The following AP5M1 variants were observed in gnomAD, a reference collection of about 807,000 sequenced individuals.
AP5M1 encodes the protein AP-5 complex subunit mu-1.
Under a neutral mutation model 52.3 loss-of-function variants are expected in AP5M1, and 44 were observed. That is an observed-to-expected ratio of 0.84 (90% confidence interval 0.66 to 1.08). AP5M1 has a LOEUF of 1.08. Among genes scored for constraint, AP5M1 ranks in the 50% least tolerant of loss-of-function variants. The pLI is 0.00. For missense variants in AP5M1, 526 were observed against 568.4 expected, an observed-to-expected ratio of 0.93 and a Z score of 0.76; for synonymous variants, 213 against 199.0, an observed-to-expected ratio of 1.07 and a Z score of -0.59.
Position 57,269,259 on chromosome 14 carries a change from T to C in AP5M1, c.-56T>C, listed in dbSNP as rs1018345480. The C allele has an allele frequency of 6.5e-7, 1 of 1,544,042 alleles. No homozygotes were observed. Among genetic ancestry groups the C allele is most frequent in the Non-Finnish European group, 8.9e-7 (1 of 1,118,394 alleles). ...TCTGTCTGAGAAAGCCGGTCTGCGC[T>C]GTTCCTCGGTGGCGACCTTAATTAT... On this transcript the variant is annotated 5_prime_UTR_variant, in exon 1 of 8. Coordinates refer to ENST00000261558, the MANE Select transcript of AP5M1 (RefSeq NM_018229.4).
rs1363160936 is a variant in AP5M1, at chr14:57,289,923, A to G, written c.*1039A>G. On this transcript the variant is annotated 3_prime_UTR_variant, in exon 8 of 8. Coordinates refer to ENST00000261558, the MANE Select transcript of AP5M1 (RefSeq NM_018229.4). ...ATACTCTACCTGCTTCTGCAATTAT[A>G]TATCATATTATGTTTTCAGAGCAGT... The G allele has an allele frequency of 2.6e-5, 4 of 151,914 alleles. No homozygotes were observed. The highest frequency in any genetic ancestry group is 4.8e-5 in the African/African-American group (2 of 41,396). The allele number at this position is 151,914 out of a possible 1,614,324, so 9.4% of individuals were successfully genotyped here.
chr14:57,281,701 A>T (rs747805345), intron 3 of AP5M1, among the ~76,000 whole-genome samples: 8 of 152,188 alleles, frequency 5.3e-5, no homozygotes, highest in Non-Finnish European at 1.0e-4. Flanking sequence ...GTCATTGATG[A>T]CCAACCAAGT....
Position 57,274,813 on chromosome 14 carries a change from A to C in AP5M1, c.644A>C (p.Glu215Ala), listed in dbSNP as rs1884983753. 1.2e-6 allele frequency: 2 copies of C among 1,614,092 alleles called. No homozygotes were observed. Among genetic ancestry groups the C allele is most frequent in the Non-Finnish European group, 1.7e-6 (2 of 1,180,040 alleles). The change falls in exon 2 of 8, where the codon GAA becomes GCA. Residue 215 changes from glutamate to alanine, a missense_variant. Around this residue, in one of 3 missense-constraint regions of AP5M1, gnomAD observed 425 missense variants for 430.6 expected, o/e 0.99. Transcript: ENST00000261558. The part of the protein sequence containing the change: ...GKPQVSISIT[E>A]KVKSMQYDKQ... ...CCACAAGTTTCTATTTCTATCACTGAAAAGGTAAAATCCATGCAATATGAT... is the reference window on the plus strand; with the variant it reads ...CCACAAGTTTCTATTTCTATCACTGCAAAGGTAAAATCCATGCAATATGAT...
Position 57,269,258 on chromosome 14 carries a change from C to G in AP5M1, c.-57C>G. On this transcript the variant is annotated 5_prime_UTR_variant, in exon 1 of 8. Transcript: ENST00000261558. ...GTCTGTCTGAGAAAGCCGGTCTGCG[C>G]TGTTCCTCGGTGGCGACCTTAATTA... The G allele has an allele frequency of 6.5e-7, 1 of 1,539,388 alleles. No homozygotes were observed. Among genetic ancestry groups the G allele is most frequent in the Non-Finnish European group, 9.0e-7 (1 of 1,114,296 alleles).
chr14:57,279,203 C>A (rs1193020459), intron 2 of AP5M1, among the ~76,000 whole-genome samples: 1 of 152,142 alleles, frequency 6.6e-6, no homozygotes, highest in African/African-American at 2.4e-5. Context: ...AAATATAAAT[C>A]ATTCTGTTAT....
In AP5M1 at chr14:57,290,684, G is replaced by A. The variant is rs1885417084; in HGVS notation, c.*1800G>A. 6.6e-6 allele frequency: 1 copy of A among 151,878 alleles called. No individual in the cohort carries two copies. The highest frequency in any genetic ancestry group is 2.4e-5 in the African/African-American group (1 of 41,386). 9.4% of individuals were successfully genotyped at this position (151,878 alleles called of 1,614,324 possible). On this transcript the variant is annotated 3_prime_UTR_variant, in exon 8 of 8. Coordinates refer to ENST00000261558, the MANE Select transcript of AP5M1 (RefSeq NM_018229.4). ...TCCTGGAAAAGTGATGAGGTGTTGG[G>A]GAACCTGATGCCATCTGTTGCCATT... is the stretch of plus-strand genomic sequence containing the variant.
At position 57,277,616 on chromosome 14, in the gene AP5M1, T is replaced by C. The variant is rs1566515421; in HGVS notation, c.721-2579T>C. ...AGACCTTATAAAGGCACTAATTGTA[T>C]ATACTACTCTTCGTAATGCCTGCCT... On this transcript the variant is annotated intron_variant, in intron 2 of 7. Coordinates refer to ENST00000261558, the MANE Select transcript of AP5M1 (RefSeq NM_018229.4). Among the ~76,000 whole-genome samples the C allele has an allele frequency of 7.9e-5, 12 of 151,972 alleles. No homozygotes were observed. In the South Asian group the frequency reaches 2.5e-3, roughly 31 times the overall value.
rs919621198 is a variant in AP5M1 at position 57,275,045 on chromosome 14, C to T, written c.720+156C>T. On this transcript the variant is annotated intron_variant, in intron 2 of 7. Coordinates refer to ENST00000261558, the MANE Select transcript of AP5M1 (RefSeq NM_018229.4). ...TGTAAAATTTTATGTTATCTTTTTG[C>T]ATTCCTTACCAATTATATTAGTTAT... 5.4e-6 allele frequency: 4 copies of T among 741,522 alleles called. No homozygotes were observed. The African/African-American group carries it at 7.1e-5, about 13-fold the overall frequency. The allele number at this position is 741,522 out of a possible 1,614,324, so 45.9% of individuals were successfully genotyped here.
intron 7 of AP5M1, chr14:57,286,579 T>A: frequency 3.3e-6 from 1 of 305,448 alleles, no homozygotes; most frequent in Non-Finnish European, 6.1e-6. Context: ...TGTTTTTCTC[T>A]GGTTATTCAG....
intron 2 of AP5M1, among the ~76,000 whole-genome samples, chr14:57,277,936 G>A (rs8014588): frequency 1.2e-4 from 18 of 152,206 alleles, no homozygotes; most frequent in African/African-American, 2.7e-4. Flanking sequence ...CAGTTAATGC[G>A]TGGTGCAATC....
In AP5M1 at chr14:57,271,835, A is replaced by C. The variant is rs747954104; in HGVS notation, c.75-2409A>C. On this transcript the variant is annotated intron_variant, in intron 1 of 7. Transcript: ENST00000261558. Reference sequence around the variant, plus strand: ...GTAGTCCATCTTTGGATATGATGTTAAGTAGGAATCCCATTTCGGTTTTCT... The same window carrying C: ...GTAGTCCATCTTTGGATATGATGTTCAGTAGGAATCCCATTTCGGTTTTCT... Among the ~76,000 whole-genome samples, 44 of 152,214 alleles carry C rather than the reference A, an allele frequency of 2.9e-4. 1 individual carries two copies. The highest frequency in any genetic ancestry group is 1.9e-4 in the Non-Finnish European group (13 of 68,032).
rs773353829 is a variant in AP5M1 at position 57,282,173 on chromosome 14, G to A, written c.1033G>A (p.Glu345Lys). ...AATAACCATTAATTTAAAACTTCAT[G>A]AAAGTGTGAAAAATAATTTTGAATT... ...LRITINLKLH[E>K]SVKNNFEFCE... Residue 345 changes from glutamate to lysine, a missense_variant, in exon 4 of 8, where the codon GAA (glutamate) becomes AAA (lysine). Glu to Lys is a moderately conservative substitution (Grantham distance 56). Around this residue, in one of 3 missense-constraint regions of AP5M1, gnomAD observed 425 missense variants for 430.6 expected, o/e 0.99. Transcript: ENST00000261558. 6.3e-7 allele frequency: 1 copy of A among 1,577,518 alleles called. No individual in the cohort carries two copies. Among genetic ancestry groups the A allele is most frequent in the Non-Finnish European group, 8.6e-7 (1 of 1,166,590 alleles).
At position 57,295,199 on chromosome 14, in the gene AP5M1, G is replaced by A. The variant is rs1211632265; in HGVS notation, c.*6315G>A. 6.6e-6 allele frequency: 1 copy of A among 151,892 alleles called. No homozygotes were observed. Among genetic ancestry groups the A allele is most frequent in the African/African-American group, 2.4e-5 (1 of 41,406 alleles). The allele number at this position is 151,892 out of a possible 1,614,324, so 9.4% of individuals were successfully genotyped here. ...GAACTGGAGTGGTAATGGCACTTCT[G>A]ATTCAATTAACTTACTTGGTGAAGC... is the stretch of plus-strand genomic sequence containing the variant. On this transcript the variant is annotated 3_prime_UTR_variant, in exon 8 of 8. Coordinates refer to ENST00000261558, the MANE Select transcript of AP5M1 (RefSeq NM_018229.4).
chr14:57,282,256 T>A, intron 4 of AP5M1, 28 bp downstream of exon 4: 1 of 1,478,172 alleles, frequency 6.8e-7, no homozygotes, highest in Non-Finnish European at 9.0e-7. Flanking sequence ...ATTGCCATAA[T>A]TTCTGTCTTC....
rs1412836362 is a variant in AP5M1 at position 57,298,071 on chromosome 14, A to G, written c.*9187A>G. Reference sequence around the variant, plus strand: ...GCCCATCATAGGACACGTTCCTTGCAGTTATGCTTCAGTGAACTTTAAAAC... The same window carrying G: ...GCCCATCATAGGACACGTTCCTTGCGGTTATGCTTCAGTGAACTTTAAAAC... On this transcript the variant is annotated 3_prime_UTR_variant, in exon 8 of 8. Coordinates refer to ENST00000261558, the MANE Select transcript of AP5M1 (RefSeq NM_018229.4). The G allele has an allele frequency of 2.0e-5, 3 of 152,188 alleles. No homozygotes were observed. The highest frequency in any genetic ancestry group is 7.2e-5 in the African/African-American group (3 of 41,454). The allele number at this position is 152,188 out of a possible 1,614,324, so 9.4% of individuals were successfully genotyped here. A position where few individuals can be genotyped will look rare whatever the true frequency, so the allele number is the denominator to read the frequency against.
chr14:57,271,190 C>G (rs1461896103), intron 1 of AP5M1: 1 of 152,284 alleles, frequency 6.6e-6, no homozygotes, highest in Non-Finnish European at 1.5e-5. Flanking sequence ...ACACATTTAC[C>G]TGTCCCCTTT....
chr14:57,273,719 G>C (rs527514265), intron 1 of AP5M1: 1 of 702,150 alleles, frequency 1.4e-6, no homozygotes, highest in Non-Finnish European at 2.6e-6. Context: ...GGATTGGCAA[G>C]AAGACTCAGG....
In AP5M1 at chr14:57,298,391, T is replaced by A. The variant is rs1885595058; in HGVS notation, c.*9507T>A. On this transcript the variant is annotated 3_prime_UTR_variant, in exon 8 of 8. Transcript: ENST00000261558. The stretch of plus-strand genomic sequence containing the variant: ...TCTTTGAAGTCACACAGGCCTGATT[T>A]CAAATCCCAGCTCTGTCATTTACAA... 1 of 152,186 alleles carries A rather than the reference T, an allele frequency of 6.6e-6. No individual in the cohort carries two copies. The highest frequency in any genetic ancestry group is 2.4e-5 in the African/African-American group (1 of 41,438). 9.4% of individuals were successfully genotyped at this position (152,186 alleles called of 1,614,324 possible). A position where few individuals can be genotyped will look rare whatever the true frequency, so the allele number is the denominator to read the frequency against.
chr14:57,286,659 T>A (rs550618943), intron 7 of AP5M1: 1 of 185,186 alleles, frequency 5.4e-6, no homozygotes, highest in African/African-American at 2.3e-5. Flanking sequence ...TTTCATTAGC[T>A]GTATAACTTT....
Sources: gnomAD v4.1 joint callset for allele counts (sites outside exome capture counted in the v4.1 genomes callset) on GRCh38, gnomAD v4.1.1 for gene constraint, gnomAD v4.1.1 regional missense constraint, MANE v1.5 for transcripts, NCBI Gene and HGNC (gene_info 2026-07-23, HGNC 2026-07-21) for gene names.